The following GFPT2 variants were observed in gnomAD, a reference collection of about 807,000 sequenced individuals.
The protein encoded by GFPT2 is glutamine--fructose-6-phosphate aminotransferase [isomerizing] 2.
A neutral mutation model predicts 85.6 loss-of-function variants in GFPT2; 62 were observed. The ratio of observed to expected loss-of-function variants is 0.72; its 90% CI spans 0.59 to 0.90. The LOEUF (loss-of-function observed/expected upper bound fraction) is 0.90. Among genes scored for constraint, GFPT2 ranks in the 40% least tolerant of loss-of-function variants. The pLI, the probability that GFPT2 is intolerant of heterozygous loss-of-function variation, is 0.00. For missense variants in GFPT2, 788 were observed against 893.4 expected (o/e 0.88, Z 1.50); for synonymous variants, 368 against 344.5 (o/e 1.07, Z -0.75).
intron 10 of GFPT2, 24 bp from the exon 11 acceptor site, chr5:180,317,082 G>A (rs773464886): frequency 7.2e-7 from 1 of 1,386,134 alleles, no homozygotes. Context: ...CGTCTGGTCA[G>A]TTTTAATTTC....
Position 180,302,440 on chromosome 5 carries a change from C to G in GFPT2, c.1987G>C (p.Val663Leu), listed in dbSNP as rs185799471. The G allele has an allele frequency of 1.6e-4, 253 of 1,613,794 alleles. No individual in the cohort carries two copies. In the Middle Eastern group the frequency reaches 1.7e-3, roughly 11 times the overall value. Residue 663 changes from valine (V) to leucine (L), a missense_variant, in exon 18 of 19, where the codon GTT becomes CTT. Coordinates refer to ENST00000253778, the MANE Select transcript of GFPT2 (RefSeq NM_005110.4). ...AGACGCACGTCATATCCTCGGAGAA[C>G]AGCCAGGTGGAAGGACAGCAGCTGC... ...PLQLLSFHLA[V>L]LRGYDVDFPR...
chr5:180,320,202 C>G (rs1482481669), intron 9 of GFPT2, among the ~76,000 whole-genome samples: 1 of 151,926 alleles, frequency 6.6e-6, no homozygotes, highest in Non-Finnish European at 1.5e-5. Context: ...CCGTGTTAGC[C>G]AGGATGGTCT....
intron 17 of GFPT2, among the ~76,000 whole-genome samples, chr5:180,303,229 C>CA (rs5873683): frequency 1.5e-3 from 174 of 118,678 alleles, no homozygotes; most frequent in Middle Eastern, 9.5e-3. Flanking sequence ...GACTCCGTCA[C>CA]AAAAAAAAAA....
intron 1 of GFPT2, chr5:180,352,863 G>T: frequency 2.4e-6 from 1 of 410,692 alleles, no homozygotes; most frequent in East Asian, 5.5e-5. Context: ...GTGGAGGAGA[G>T]CGACCTCGGT....
chr5:180,341,315 T>G (rs756472686), intron 1 of GFPT2, among the ~76,000 whole-genome samples: 1 of 152,210 alleles, frequency 6.6e-6, no homozygotes, highest in Non-Finnish European at 1.5e-5. Context: ...AACCTGCCCC[T>G]AGATAACAGA....
intron 1 of GFPT2, among the ~76,000 whole-genome samples, chr5:180,347,443 T>C (rs1437403044): frequency 6.6e-6 from 1 of 151,688 alleles, no homozygotes; most frequent in Non-Finnish European, 1.5e-5. Flanking sequence ...TCAAAATTGA[T>C]AGATAAAATG....
Position 180,352,360 on chromosome 5 carries a change from G to T in GFPT2, c.7+851C>A, listed in dbSNP as rs760091192. 80 of 345,274 alleles carry T rather than the reference G, an allele frequency of 2.3e-4. 1 individual carries two copies. Among genetic ancestry groups the T allele is most frequent in the South Asian group, 1.1e-3 (51 of 48,484 alleles). 21.4% of individuals were successfully genotyped at this position (345,274 alleles called of 1,614,324 possible). A position where few individuals can be genotyped will look rare whatever the true frequency, so the allele number is the denominator to read the frequency against. Reference sequence around the variant, plus strand: ...CAAGGAAAAAAAAAAAAAAAAAAAAGAGCACAGTGACCTTTTGTCCCAGCA... The same window carrying T: ...CAAGGAAAAAAAAAAAAAAAAAAAATAGCACAGTGACCTTTTGTCCCAGCA... On this transcript the variant is annotated intron_variant, in intron 1 of 18. Transcript: ENST00000253778.
At chr5:180,302,329 T>A in intron 18 of GFPT2, 94 bp downstream of exon 18, 1 of 868,374 alleles carries the variant, frequency 1.2e-6, no homozygotes, top group Non-Finnish European at 1.8e-6. Context: ...AATTATTTAC[T>A]CTATGACTAT....
rs765218880 is a variant in GFPT2, at chr5:180,313,919, C to A, written c.1319G>T (p.Arg440Leu). 6.2e-5 allele frequency: 100 copies of A among 1,605,512 alleles called. No homozygotes were observed. Among genetic ancestry groups the A allele is most frequent in the Non-Finnish European group, 8.4e-5 (99 of 1,179,458 alleles). ...GGTGACGCCCACGGTGAGAGCGCCG[C>A]GGTCCTTACAGTAGCGCAGCGCCAG... ...TLLALRYCKD[R>L]GALTVGVTNT... Residue 440 changes from arginine (R) to leucine (L), a missense_variant, in exon 14 of 19, where the codon CGC becomes CTC. Coordinates refer to ENST00000253778, the MANE Select transcript of GFPT2 (RefSeq NM_005110.4).
At chr5:180,333,794 G>A (rs749153931) in intron 4 of GFPT2, among the ~76,000 whole-genome samples, 3 of 152,166 alleles carry the variant, frequency 2.0e-5, no homozygotes, top group Non-Finnish European at 2.9e-5. Flanking sequence ...CTCATCCTGA[G>A]TCAGGGCTGG....
In GFPT2 at chr5:180,304,981, G is replaced by A. The variant is rs777288088; in HGVS notation, c.1675-42C>T. ...AGATCAGAGTCACACTGGGCAGATG[G>A]GGCTGGAGCAGATCAGCCAGAGGGG... On this transcript the variant is annotated intron_variant, in intron 16 of 18. Transcript: ENST00000253778. The A allele has an allele frequency of 4.3e-5, 61 of 1,430,020 alleles. No individual in the cohort carries two copies. In the Middle Eastern group the frequency reaches 1.2e-3, roughly 29 times the overall value. 88.6% of individuals were successfully genotyped at this position (1,430,020 alleles called of 1,614,324 possible).
intron 7 of GFPT2, among the ~76,000 whole-genome samples, chr5:180,327,105 C>T (rs1254700317): frequency 6.6e-6 from 1 of 152,186 alleles, no homozygotes; most frequent in Non-Finnish European, 1.5e-5. Flanking sequence ...CTACGCCAGT[C>T]TGGAAGAGAC....
chr5:180,302,115 G>A (rs28700193), intron 18 of GFPT2, among the ~76,000 whole-genome samples: 2,032 of 117,308 alleles, frequency 0.017, 56 homozygotes, highest in African/African-American at 0.058. Flanking sequence ...GTGAAACCCC[G>A]TCTCTACAAA....
chr5:180,341,805 C>T (rs757934035), intron 1 of GFPT2, among the ~76,000 whole-genome samples: 1 of 152,166 alleles, frequency 6.6e-6, no homozygotes, highest in Non-Finnish European at 1.5e-5. Context: ...CAGTGAGGGC[C>T]GCGCAGCACT....
In GFPT2 at chr5:180,335,254, A is replaced by G. The variant is rs186020065; in HGVS notation, c.340+574T>C. Among the ~76,000 whole-genome samples the G allele has an allele frequency of 3.7e-3, 570 of 152,284 alleles. 1 individual carries two copies. Among genetic ancestry groups the G allele is most frequent in the Non-Finnish European group, 6.2e-3 (419 of 67,998 alleles). ...AAGCAAGCTGAGTTGAGGGCTCTCC[A>G]CCTGGGAAGAGCCCCTGGGCTTCGG... is the stretch of plus-strand genomic sequence containing the variant. On this transcript the variant is annotated intron_variant, in intron 4 of 18. Transcript: ENST00000253778.
chr5:180,312,446 G>T lies in GFPT2; in HGVS notation c.1530C>A (p.Gly510=). ...LQNRRQEIIR[G]LRSLPELIKE... ...AGAACATACCAGGTAAAGATCTCAA[G>T]CCACGGATGATCTCTTGCCTCCTGT... The change falls in exon 15 of 19, where the codon GGC becomes GGA. Residue 510 remains glycine (G), a synonymous_variant. Coordinates refer to ENST00000253778, the MANE Select transcript of GFPT2 (RefSeq NM_005110.4). 6.3e-7 allele frequency: 1 copy of T among 1,586,650 alleles called. No individual in the cohort carries two copies. Among genetic ancestry groups the T allele is most frequent in the Non-Finnish European group, 8.7e-7 (1 of 1,154,852 alleles).
intron 1 of GFPT2, among the ~76,000 whole-genome samples, chr5:180,351,172 T>C (rs1212037177): frequency 6.6e-6 from 1 of 152,234 alleles, no homozygotes; most frequent in Non-Finnish European, 1.5e-5. Flanking sequence ...TCAGTATCAC[T>C]TGTCATACAT....
At chr5:180,348,917 A>G (rs1393268937) in intron 1 of GFPT2, among the ~76,000 whole-genome samples, 1 of 150,254 alleles carries the variant, frequency 6.7e-6, no homozygotes, top group Non-Finnish European at 1.5e-5. Context: ...AATTTTTTGT[A>G]TTTTAGTAGA....
rs755645735 is a variant in GFPT2, at chr5:180,316,497, GTC to G, written c.1153-38_1153-37del. On this transcript the variant is annotated intron_variant, in intron 12 of 18. Transcript: ENST00000253778. ...CAAGCAAGCATGGAGACTAAAGTCA[GTC>G]ACAGGCACGACAGGGACATGGGGCA... is the stretch of plus-strand genomic sequence containing the variant. 11 of 1,613,044 alleles carry G rather than the reference GTC, an allele frequency of 6.8e-6. No individual in the cohort carries two copies. In the East Asian group the frequency reaches 2.5e-4, roughly 36 times the overall value.
Sources: allele counts gnomAD v4.1 joint callset (sites outside exome capture counted in the v4.1 genomes callset), GRCh38; gene constraint gnomAD v4.1.1; transcripts MANE v1.5; gene names NCBI Gene and HGNC (gene_info 2026-07-23, HGNC 2026-07-21).